Variants in ZFYVE28 observed in about 807,000 individuals in gnomAD.
ZFYVE28 encodes the protein zinc finger FYVE-type containing 28.
A neutral mutation model predicts 82.1 loss-of-function variants in ZFYVE28; 40 were observed. The observed-to-expected ratio is 0.49, with a 90% CI of 0.38 to 0.63. The LOEUF is 0.63. Among genes scored for constraint, ZFYVE28 ranks in the 30% least tolerant of loss-of-function variants. The pLI is 0.00. For missense variants in ZFYVE28, 1,321 were observed against 1,242.1 expected (o/e 1.06, Z -0.96); for synonymous variants, 612 against 546.1 (o/e 1.12, Z -1.68).
intron 2 of ZFYVE28, among the ~76,000 whole-genome samples, chr4:2,350,328 G>A (rs1377633952): frequency 6.6e-6 from 1 of 152,062 alleles, no homozygotes; most frequent in South Asian, 2.1e-4. Flanking sequence ...GCCGGGCGAG[G>A]TGGCGGGCGC....
chr4:2,337,724 C>T (rs925505024), intron 4 of ZFYVE28, among the ~76,000 whole-genome samples: 3 of 152,020 alleles, frequency 2.0e-5, no homozygotes, highest in Admixed American at 6.6e-5. Flanking sequence ...ATAAAAAAGT[C>T]GGGTGTGGTG....
intron 7 of ZFYVE28, among the ~76,000 whole-genome samples, chr4:2,309,215 T>G (rs1190503722): frequency 6.6e-6 from 1 of 152,188 alleles, no homozygotes; most frequent in African/African-American, 2.4e-5. Context: ...GTTTGGCCTC[T>G]TTGCACACGC....
chr4:2,273,371 C>T, intron 9 of ZFYVE28, 82 bp from the exon 10 acceptor site: 1 of 1,262,816 alleles, frequency 7.9e-7, no homozygotes, highest in Non-Finnish European at 1.1e-6. Flanking sequence ...GCTGGGCAGA[C>T]CCAGCCAGAG....
intron 8 of ZFYVE28, among the ~76,000 whole-genome samples, chr4:2,302,241 T>C (rs1715670199): frequency 6.6e-6 from 1 of 152,226 alleles, no homozygotes; most frequent in Admixed American, 6.5e-5. Flanking sequence ...ACTGTTCCCT[T>C]TGGGGGCAGG....
rs1281459239 is a variant in ZFYVE28 at position 2,298,790 on chromosome 4, T to C, written c.2051+5499A>G. On this transcript the variant is annotated intron_variant, in intron 8 of 12. Transcript: ENST00000290974. ...TCCCTAAGCCAGCGCCCGGGCAGCCTTGACCGTGTGTCAGGACGGCCACAG... is the reference window on the plus strand; with the variant it reads ...TCCCTAAGCCAGCGCCCGGGCAGCCCTGACCGTGTGTCAGGACGGCCACAG... 3.3e-5 allele frequency among the ~76,000 whole-genome samples: 5 copies of C among 152,342 alleles called. 2 individuals carry two copies. Among genetic ancestry groups the C allele is most frequent in the Admixed American group, 3.3e-4 (5 of 15,308 alleles).
Position 2,269,845 on chromosome 4 carries a change from G to A in ZFYVE28, c.*880C>T, listed in dbSNP as rs1005147994. On this transcript the variant is annotated 3_prime_UTR_variant, in exon 13 of 13. Transcript: ENST00000290974. Reference sequence around the variant, plus strand: ...GAAGCCTGAGATTTAAGCCTGAGGAGGTGTCCGCTGGGGCCACTCAGCTGC... The same window carrying A: ...GAAGCCTGAGATTTAAGCCTGAGGAAGTGTCCGCTGGGGCCACTCAGCTGC... 2.0e-5 allele frequency: 3 copies of A among 152,190 alleles called. No individual in the cohort carries two copies. The highest frequency in any genetic ancestry group is 7.2e-5 in the African/African-American group (3 of 41,420). 9.4% of individuals were successfully genotyped at this position (152,190 alleles called of 1,614,324 possible).
chr4:2,338,332 A>G (rs1560232868), intron 4 of ZFYVE28, among the ~76,000 whole-genome samples: 1 of 152,236 alleles, frequency 6.6e-6, no homozygotes, highest in Non-Finnish European at 1.5e-5. Context: ...TCACGCCTGT[A>G]ATCCCAGCAC....
intron 1 of ZFYVE28, among the ~76,000 whole-genome samples, chr4:2,361,415 G>C (rs1402032341): frequency 6.6e-6 from 1 of 152,210 alleles, no homozygotes; most frequent in Non-Finnish European, 1.5e-5. Context: ...TGCAGGGAGA[G>C]AGACGCGGTG....
chr4:2,304,228 C>T (rs568490105), intron 8 of ZFYVE28, 61 bp downstream of exon 8: 52 of 1,499,958 alleles, frequency 3.5e-5, no homozygotes, highest in African/African-American at 7.0e-5. Context: ...GAGAATGCGC[C>T]AGCACCTGCC....
At chr4:2,383,994 T>G (rs1454234123) in intron 1 of ZFYVE28, among the ~76,000 whole-genome samples, 1 of 152,206 alleles carries the variant, frequency 6.6e-6, no homozygotes, top group Non-Finnish European at 1.5e-5. Flanking sequence ...CCCATCACCC[T>G]GAAGTGTCTC....
In ZFYVE28 at chr4:2,341,217, G is replaced by A; in HGVS notation, c.318+261C>T. 1.8e-6 allele frequency: 1 copy of A among 549,512 alleles called. No homozygotes were observed. The highest frequency in any genetic ancestry group is 3.2e-6 in the Non-Finnish European group (1 of 308,174). The allele number at this position is 549,512 out of a possible 1,614,324, so 34.0% of individuals were successfully genotyped here. A position where few individuals can be genotyped will look rare whatever the true frequency, so the allele number is the denominator to read the frequency against. ...ACTTTTAGGTCCTGGCTGTCTGGGGGCCTGTGAACCTCATAAAAACCACAT... is the reference window on the plus strand; with the variant it reads ...ACTTTTAGGTCCTGGCTGTCTGGGGACCTGTGAACCTCATAAAAACCACAT... On this transcript the variant is annotated intron_variant, in intron 3 of 12. Transcript: ENST00000290974. This position sits in a 1 kb window ranked among gnomAD's most constrained non-coding sequence, Gnocchi z 4.5.
At chr4:2,381,036 A>G (rs762506275) in intron 1 of ZFYVE28, among the ~76,000 whole-genome samples, 3 of 152,258 alleles carry the variant, frequency 2.0e-5, no homozygotes, top group Non-Finnish European at 4.4e-5. Context: ...AGGGCTCAGA[A>G]GAAGACAGGA....
At chr4:2,312,726 CAAAAAAAA>C (rs1170479977) in intron 7 of ZFYVE28, among the ~76,000 whole-genome samples, 2 of 64,932 alleles carry the variant, frequency 3.1e-5, no homozygotes, top group African/African-American at 6.7e-5. Context: ...GACTCTGCCT[CAAAAAAAA>C]AAAAAAAAAA....
intron 1 of ZFYVE28, among the ~76,000 whole-genome samples, chr4:2,365,865 T>C (rs1726829101): frequency 6.6e-6 from 1 of 152,224 alleles, no homozygotes; most frequent in African/African-American, 2.4e-5. Flanking sequence ...ATGTTTGTTT[T>C]CCAGGCCCTG....
intron 1 of ZFYVE28, among the ~76,000 whole-genome samples, chr4:2,404,127 T>C (rs1731520361): frequency 6.6e-6 from 1 of 151,726 alleles, no homozygotes; most frequent in South Asian, 2.1e-4. Flanking sequence ...GAGACCATCC[T>C]GGCTAACACG....
chr4:2,357,546 C>A (rs932420290), intron 1 of ZFYVE28, among the ~76,000 whole-genome samples: 2 of 152,212 alleles, frequency 1.3e-5, no homozygotes, highest in Non-Finnish European at 2.9e-5. Flanking sequence ...TGGCCCCAAA[C>A]CTGCCCGCTC....
intron 8 of ZFYVE28, among the ~76,000 whole-genome samples, chr4:2,303,963 G>C (rs949160115): frequency 2.2e-4 from 34 of 152,364 alleles, no homozygotes; most frequent in African/African-American, 7.9e-4. Context: ...ACCAGGGGCG[G>C]GATGGGCCGG....
At chr4:2,281,599 G>A (rs1246124140) in intron 8 of ZFYVE28, among the ~76,000 whole-genome samples, 4 of 152,130 alleles carry the variant, frequency 2.6e-5, no homozygotes, top group Admixed American at 6.5e-5. Context: ...ACATCAATCC[G>A]CTCAGGAGGG....
In ZFYVE28 at chr4:2,335,371, A is replaced by G. The variant is rs999745954; in HGVS notation, c.701+334T>C. ...CCTGCGTGGCCACTCTGTTCCGAGC[A>G]TGACCCCTGTGTGACCCTCATGGTC... On this transcript the variant is annotated intron_variant, in intron 6 of 12. Transcript: ENST00000290974. This position sits in a 1 kb window ranked among gnomAD's most constrained non-coding sequence, Gnocchi z 5.8. Among the ~76,000 whole-genome samples, 1 of 152,134 alleles carries G rather than the reference A, an allele frequency of 6.6e-6. No individual in the cohort carries two copies. Among genetic ancestry groups the G allele is most frequent in the African/African-American group, 2.4e-5 (1 of 41,448 alleles).
Sources: gnomAD v4.1 joint callset for allele counts (sites outside exome capture counted in the v4.1 genomes callset) on GRCh38, gnomAD v4.1.1 for gene constraint, Gnocchi (gnomAD v3.1) non-coding constraint, MANE v1.5 for transcripts, NCBI Gene and HGNC (gene_info 2026-07-23, HGNC 2026-07-21) for gene names.